Variants in RASA2 observed in about 807,000 individuals in gnomAD.
RASA2 encodes the protein RAS p21 protein activator 2.
In RASA2, 155 loss-of-function variants were observed where a neutral mutation model predicts 118.2. That is an observed-to-expected ratio of 1.31 (90% CI 1.15 to 1.50). The LOEUF is 1.50. Ranked by LOEUF, RASA2 falls within the 40% of genes most tolerant of loss-of-function variation. The pLI, the probability that RASA2 is intolerant of heterozygous loss-of-function variation, is 0.00. For synonymous variants in RASA2, 353 were observed against 349.1 expected, an observed-to-expected ratio of 1.01 and a Z score of -0.12; for missense variants, 1,016 against 1,009.6, an observed-to-expected ratio of 1.01 and a Z score of -0.09.
At chr3:141,604,457 G>A (rs1237631341) in intron 19 of RASA2, among the ~76,000 whole-genome samples, 1 of 151,872 alleles carries the variant, frequency 6.6e-6, no homozygotes, top group Non-Finnish European at 1.5e-5. Context: ...CATTCAAGCT[G>A]GGAAAGAACA....
intron 5 of RASA2, among the ~76,000 whole-genome samples, chr3:141,547,611 G>GT (rs1374266137): frequency 6.6e-6 from 1 of 151,992 alleles, no homozygotes; most frequent in Non-Finnish European, 1.5e-5. Flanking sequence ...GAGTCTTTAG[G>GT]TTTTTTCCAA....
chr3:141,561,898 CT>C (rs2082734545), intron 9 of RASA2, among the ~76,000 whole-genome samples: 2 of 152,078 alleles, frequency 1.3e-5, no homozygotes, highest in Admixed American at 6.6e-5. Flanking sequence ...TATGATTTAG[CT>C]TTCCAGTTTG....
At chr3:141,559,476 G>C (rs1174709925) in intron 8 of RASA2, among the ~76,000 whole-genome samples, 1 of 151,972 alleles carries the variant, frequency 6.6e-6, no homozygotes, top group Non-Finnish European at 1.5e-5. Flanking sequence ...TTAACAGTGT[G>C]TTCATCTAGA....
intron 1 of RASA2, among the ~76,000 whole-genome samples, chr3:141,492,590 A>G: frequency 6.6e-6 from 1 of 152,342 alleles, no homozygotes; most frequent in South Asian, 2.1e-4. Flanking sequence ...CTGAGCCCGT[A>G]TTTCCTTACT....
chr3:141,539,744 A>G (rs146254804), intron 4 of RASA2, among the ~76,000 whole-genome samples: 83 of 152,320 alleles, frequency 5.4e-4, no homozygotes, highest in African/African-American at 1.9e-3. Context: ...CAGGTTAGAA[A>G]TATCAAGCTC....
intron 23 of RASA2, among the ~76,000 whole-genome samples, chr3:141,610,605 C>G (rs926742367): frequency 2.0e-5 from 3 of 150,248 alleles, no homozygotes; most frequent in African/African-American, 7.3e-5. Flanking sequence ...ATCCTCCCAT[C>G]TCAGCATCTT....
chr3:141,559,254 A>G (rs573973582), intron 8 of RASA2, among the ~76,000 whole-genome samples: 1 of 152,242 alleles, frequency 6.6e-6, no homozygotes, highest in South Asian at 2.1e-4. Context: ...TCTGGATTAT[A>G]GTGTAATGGA....
rs112967818 is a variant in RASA2, at chr3:141,505,290, G to A, written c.134-6873G>A. On this transcript the variant is annotated intron_variant, in intron 1 of 23. Coordinates refer to ENST00000286364, the MANE Select transcript of RASA2 (RefSeq NM_006506.5). The stretch of plus-strand genomic sequence containing the variant: ...TCCCCAGCACTTAGAACAGTGCCTC[G>A]TGTGTTTAGGCACTTAGTAAATATT... Among the ~76,000 whole-genome samples the A allele has an allele frequency of 8.5e-3, 1,301 of 152,232 alleles. 22 individuals are homozygous for A. Among genetic ancestry groups the A allele is most frequent in the African/African-American group, 0.025 (1,050 of 41,530 alleles).
intron 14 of RASA2, among the ~76,000 whole-genome samples, chr3:141,575,528 C>T (rs368537295): frequency 1.3e-5 from 2 of 152,204 alleles, no homozygotes; most frequent in Admixed American, 6.5e-5. Flanking sequence ...CTCCTGTTCT[C>T]ATCTTCACAA....
intron 6 of RASA2, among the ~76,000 whole-genome samples, chr3:141,555,575 A>G (rs2082636804): frequency 6.6e-6 from 1 of 151,610 alleles, no homozygotes; most frequent in Non-Finnish European, 1.5e-5. Context: ...ATGTGTTTTT[A>G]AAACCCCTGA....
At chr3:141,601,071 C>T (rs79040391) in intron 19 of RASA2, among the ~76,000 whole-genome samples, 4,062 of 152,040 alleles carry the variant, frequency 0.027, 193 homozygotes, top group African/African-American at 0.094. Flanking sequence ...GGTGCAGGAA[C>T]GACCCTGATA....
At chr3:141,603,547 G>A (rs2083499197) in intron 19 of RASA2, among the ~76,000 whole-genome samples, 1 of 151,896 alleles carries the variant, frequency 6.6e-6, no homozygotes, top group Admixed American at 6.6e-5. Flanking sequence ...CTCCAGCCTG[G>A]GTGATGAGAG....
chr3:141,580,080 AAAAAAATATATAT>A (rs1326050781), intron 15 of RASA2, among the ~76,000 whole-genome samples: 26 of 103,596 alleles, frequency 2.5e-4, no homozygotes, highest in South Asian at 3.5e-4. Flanking sequence ...AAAAAAAAAA[AAAAAAATATATAT>A]ATATATATAT....
At chr3:141,501,160 A>G (rs1040887701) in intron 1 of RASA2, among the ~76,000 whole-genome samples, 2 of 152,242 alleles carry the variant, frequency 1.3e-5, no homozygotes, top group African/African-American at 4.8e-5. Context: ...ATCTCTGGCT[A>G]GCCAACCTCA....
rs1445377029 is a variant in RASA2, at chr3:141,573,072, A to T, written c.1285-75A>T. Reference sequence around the variant, plus strand: ...TAAATTTCTATAATTAACTTTTATTATCAGAAAAATAAGTTATTTTCATTT... The same window carrying T: ...TAAATTTCTATAATTAACTTTTATTTTCAGAAAAATAAGTTATTTTCATTT... On this transcript the variant is annotated intron_variant, in intron 12 of 23. Transcript: ENST00000286364. 3 of 1,252,540 alleles carry T rather than the reference A, an allele frequency of 2.4e-6. No individual in the cohort carries two copies. The African/African-American group carries it at 4.8e-5, about 20-fold the overall frequency. The allele number at this position is 1,252,540 out of a possible 1,614,324, so 77.6% of individuals were successfully genotyped here.
intron 16 of RASA2, 78 bp from the exon 17 acceptor site, chr3:141,581,022 C>T: frequency 5.1e-6 from 7 of 1,379,720 alleles, no homozygotes; most frequent in Non-Finnish European, 6.6e-6. Context: ...GGCCTTAATC[C>T]TCAGCTTAAA....
intron 1 of RASA2, among the ~76,000 whole-genome samples, chr3:141,504,426 C>T (rs905933056): frequency 6.6e-6 from 1 of 152,186 alleles, no homozygotes; most frequent in Non-Finnish European, 1.5e-5. Context: ...GAGGCTGTGT[C>T]TCTAGAAATA....
intron 5 of RASA2, among the ~76,000 whole-genome samples, chr3:141,553,142 CT>C (rs1435151645): frequency 6.6e-6 from 1 of 152,182 alleles, no homozygotes. Context: ...TTGTGTGAAG[CT>C]TGCCCTATAT....
rs900193010 is a variant in RASA2 at position 141,613,151 on chromosome 3, C to A, written c.*838C>A. ...GGTGGGAAAATCACTTCACTTCACC[C>A]ACTATTTCATGTTGTAATAAGGGCC... On this transcript the variant is annotated 3_prime_UTR_variant, in exon 24 of 24. Coordinates refer to ENST00000286364, the MANE Select transcript of RASA2 (RefSeq NM_006506.5). 1 of 152,122 alleles carries A rather than the reference C, an allele frequency of 6.6e-6. No individual in the cohort carries two copies. The highest frequency in any genetic ancestry group is 2.4e-5 in the African/African-American group (1 of 41,418). 9.4% of individuals were successfully genotyped at this position (152,122 alleles called of 1,614,324 possible). A position where few individuals can be genotyped will look rare whatever the true frequency, so the allele number is the denominator to read the frequency against.
Sources: allele counts gnomAD v4.1 joint callset (sites outside exome capture counted in the v4.1 genomes callset), GRCh38; gene constraint gnomAD v4.1.1; transcripts MANE v1.5; gene names NCBI Gene and HGNC (gene_info 2026-07-23, HGNC 2026-07-21).